GMDS: variants seen among roughly 807,000 people sequenced by gnomAD.
GMDS encodes GDP-mannose 4,6-dehydratase, also known as GDP-mannose 4,6 dehydratase.
A neutral mutation model predicts 49.9 loss-of-function variants in GMDS; 20 were observed. That is an observed-to-expected ratio of 0.40 (90% CI 0.28 to 0.58). The LOEUF is 0.58. GMDS is among the 20% of genes least tolerant of loss of function. The probability of loss-of-function intolerance (pLI) is 0.42; values close to 1 mark genes in which losing one functional copy is unlikely to be tolerated. For synonymous variants in GMDS, 177 were observed against 178.6 expected (o/e 0.99, Z 0.07); for missense variants, 362 against 481.4 (o/e 0.75, Z 2.32).
chr6:1,781,169 C>A (rs1025703585), intron 7 of GMDS, among the ~76,000 whole-genome samples: 1 of 152,170 alleles, frequency 6.6e-6, no homozygotes, highest in South Asian at 2.1e-4. Context: ...AAGAAAATGG[C>A]CTTGTGTTTC....
intron 7 of GMDS, among the ~76,000 whole-genome samples, chr6:1,867,853 G>A (rs1007471500): frequency 6.6e-6 from 1 of 152,172 alleles, no homozygotes; most frequent in Non-Finnish European, 1.5e-5. Context: ...GGTAATAGAA[G>A]GCAGGAGTTT....
chr6:2,057,041 C>A (rs1770820833), intron 4 of GMDS, among the ~76,000 whole-genome samples: 1 of 152,170 alleles, frequency 6.6e-6, no homozygotes, highest in Non-Finnish European at 1.5e-5. Flanking sequence ...AGTTCCTAGC[C>A]TGATGAGGAA....
intron 2 of GMDS, among the ~76,000 whole-genome samples, chr6:2,122,171 A>C (rs543242283): frequency 5.1e-4 from 77 of 152,316 alleles, no homozygotes; most frequent in African/African-American, 1.8e-3. Flanking sequence ...ACCGTGTTCA[A>C]CTTCATCATA....
chr6:1,808,902 C>CTG (rs530398323), intron 7 of GMDS, among the ~76,000 whole-genome samples: 337 of 127,352 alleles, frequency 2.6e-3, no homozygotes, highest in Middle Eastern at 7.8e-3. Context: ...TGCATGCTCT[C>CTG]TCTGTGTGTG....
chr6:1,735,268 C>T lies in GMDS; in HGVS notation c.890+7200G>A, dbSNP rs192255973. Among the ~76,000 whole-genome samples the T allele has an allele frequency of 3.3e-5, 5 of 152,356 alleles. No individual in the cohort carries two copies. The East Asian group carries it at 5.8e-4, about 18-fold the overall frequency. ...CCTTCCTCCCATCCCCACAAATCTT[C>T]ACCAAGCACCCGCTAGGTGCCAGCC... On this transcript the variant is annotated intron_variant, in intron 8 of 10. Transcript: ENST00000380815.
intron 9 of GMDS, among the ~76,000 whole-genome samples, chr6:1,649,806 CA>C (rs1763595098): frequency 1.3e-5 from 2 of 152,206 alleles, no homozygotes; most frequent in Non-Finnish European, 2.9e-5. Flanking sequence ...ACTTCGAAGA[CA>C]CCCCTTAGAT....
intron 7 of GMDS, among the ~76,000 whole-genome samples, chr6:1,863,517 T>C (rs1758294479): frequency 6.6e-6 from 1 of 152,088 alleles, no homozygotes; most frequent in Admixed American, 6.6e-5. Context: ...TGTTCCAATA[T>C]AAGTGGGGAA....
At chr6:2,146,705 A>G (rs1234940653) in intron 1 of GMDS, among the ~76,000 whole-genome samples, 3 of 152,172 alleles carry the variant, frequency 2.0e-5, no homozygotes, top group Non-Finnish European at 4.4e-5. Flanking sequence ...ATGTCTTTAT[A>G]GTAGGGATGT....
intron 8 of GMDS, among the ~76,000 whole-genome samples, chr6:1,731,778 C>G (rs187404891): frequency 2.6e-4 from 40 of 152,162 alleles, no homozygotes; most frequent in African/African-American, 9.2e-4. Flanking sequence ...GCTAAGAGAG[C>G]CCCCCAGAGG....
intron 4 of GMDS, among the ~76,000 whole-genome samples, chr6:2,044,263 A>G (rs771534962): frequency 3.3e-5 from 5 of 152,362 alleles, no homozygotes; most frequent in Admixed American, 6.5e-5. Flanking sequence ...ACATGCACGC[A>G]TATGTTCACT....
intron 1 of GMDS, among the ~76,000 whole-genome samples, chr6:2,244,130 G>A (rs937106149): frequency 4.0e-5 from 6 of 151,828 alleles, no homozygotes; most frequent in African/African-American, 9.7e-5. Flanking sequence ...TCTGCACACC[G>A]AAGTGCTGAG....
At chr6:2,160,255 G>A (rs546605537) in intron 1 of GMDS, among the ~76,000 whole-genome samples, 5 of 152,266 alleles carry the variant, frequency 3.3e-5, no homozygotes, top group Admixed American at 1.3e-4. Flanking sequence ...AGTGAAGTTC[G>A]GATAACAATT....
rs182953002 is a variant in GMDS at position 2,238,782 on chromosome 6, T to C, written c.102+6539A>G. Among the ~76,000 whole-genome samples the C allele has an allele frequency of 5.9e-5, 9 of 152,286 alleles. No homozygotes were observed. In the East Asian group the frequency reaches 1.7e-3, roughly 29 times the overall value. On this transcript the variant is annotated intron_variant, in intron 1 of 10. Transcript: ENST00000380815. ...ATCCTAATTTCCCTGATTTGAACTTTACAAACATGTACCAAAATATCACAC... is the reference window on the plus strand; with the variant it reads ...ATCCTAATTTCCCTGATTTGAACTTCACAAACATGTACCAAAATATCACAC...
At chr6:1,816,857 G>A (rs1770692862) in intron 7 of GMDS, among the ~76,000 whole-genome samples, 1 of 151,432 alleles carries the variant, frequency 6.6e-6, no homozygotes, top group African/African-American at 2.4e-5. Flanking sequence ...AGGCACAGGT[G>A]GGGATAGGAG....
chr6:2,221,237 C>T (rs1033342737), intron 1 of GMDS, among the ~76,000 whole-genome samples: 7 of 152,188 alleles, frequency 4.6e-5, no homozygotes, highest in African/African-American at 1.7e-4. Context: ...TACCTCTCAG[C>T]TTTATTCCTG....
chr6:2,179,047 C>T (rs979957228), intron 1 of GMDS, among the ~76,000 whole-genome samples: 1 of 152,124 alleles, frequency 6.6e-6, no homozygotes, highest in African/African-American at 2.4e-5. Flanking sequence ...GCTGCCTGTC[C>T]TCAAGAATAC....
At chr6:1,780,311 T>C (rs940693315) in intron 7 of GMDS, among the ~76,000 whole-genome samples, 1 of 152,208 alleles carries the variant, frequency 6.6e-6, no homozygotes, top group African/African-American at 2.4e-5. Context: ...GATACTACCA[T>C]GTAGTGCCAC....
At chr6:1,684,682 C>T (rs1382084439) in intron 9 of GMDS, among the ~76,000 whole-genome samples, 1 of 152,134 alleles carries the variant, frequency 6.6e-6, no homozygotes. Context: ...GACTACAAAG[C>T]AGGAGGAGCG....
intron 1 of GMDS, among the ~76,000 whole-genome samples, chr6:2,194,655 C>G (rs2127571835): frequency 6.6e-6 from 1 of 152,310 alleles, no homozygotes; most frequent in South Asian, 2.1e-4. Context: ...GCTACACGCA[C>G]ACACTTTTTG....
Sources: gnomAD v4.1 joint callset for allele counts (sites outside exome capture counted in the v4.1 genomes callset) on GRCh38, gnomAD v4.1.1 for gene constraint, MANE v1.5 for transcripts, NCBI Gene and HGNC (gene_info 2026-07-23, HGNC 2026-07-21) for gene names.